PCDH15: variants seen among roughly 807,000 people sequenced by gnomAD.
PCDH15 encodes the protein protocadherin related 15.
Under a neutral mutation model 178.5 loss-of-function variants are expected in PCDH15, and 129 were observed. The ratio of observed to expected loss-of-function variants is 0.72; its 90% CI spans 0.63 to 0.84. The LOEUF (loss-of-function observed/expected upper bound fraction) is 0.84, where lower values mean the gene tolerates loss of function less well. Among genes scored for constraint, PCDH15 ranks in the 40% least tolerant of loss-of-function variants. PCDH15 has a pLI of 0.00. For missense variants in PCDH15, 2,230 were observed against 2,099.9 expected (o/e 1.06, Z -1.21); for synonymous variants, 800 against 732.0 (o/e 1.09, Z -1.50).
intron 2 of PCDH15, among the ~76,000 whole-genome samples, chr10:55,566,910 T>C (rs1367117773): frequency 6.6e-6 from 1 of 151,884 alleles, no homozygotes; most frequent in African/African-American, 2.4e-5. Context: ...CAATGATGCC[T>C]TAAAGCAGAA....
At chr10:54,990,940 C>G (rs959079256) in intron 2 of PCDH15, among the ~76,000 whole-genome samples, 1 of 149,138 alleles carries the variant, frequency 6.7e-6, no homozygotes, top group African/African-American at 2.5e-5. Flanking sequence ...TATGGCAATT[C>G]AAATCTTCCC....
intron 27 of PCDH15, among the ~76,000 whole-genome samples, chr10:53,865,083 A>C (rs2133134782): frequency 6.6e-6 from 1 of 152,244 alleles, no homozygotes; most frequent in Admixed American, 6.5e-5. Context: ...CCTGGGTGAT[A>C]GAACCAGACC....
chr10:54,616,813 T>G (rs955547401), intron 2 of PCDH15, among the ~76,000 whole-genome samples: 2 of 152,084 alleles, frequency 1.3e-5, no homozygotes, highest in African/African-American at 4.8e-5. Context: ...TATATTTTAT[T>G]GCATTATATA....
chr10:55,288,573 G>T (rs2132265490), intron 1 of PCDH15, among the ~76,000 whole-genome samples: 1 of 151,974 alleles, frequency 6.6e-6, no homozygotes, highest in African/African-American at 2.4e-5. Flanking sequence ...TTCTCTGCCT[G>T]TATGAGTTTA....
chr10:53,928,985 T>TTC (rs2084810526), intron 25 of PCDH15, among the ~76,000 whole-genome samples: 1 of 152,126 alleles, frequency 6.6e-6, no homozygotes, highest in Non-Finnish European at 1.5e-5. Context: ...ATTTTATGCA[T>TTC]TCCTAGATTC....
intron 16 of PCDH15, among the ~76,000 whole-genome samples, chr10:54,085,870 A>G (rs1195445039): frequency 6.6e-6 from 1 of 152,222 alleles, no homozygotes; most frequent in Non-Finnish European, 1.5e-5. Flanking sequence ...TAATGGTATT[A>G]TAATGATGCG....
chr10:55,523,246 T>A (rs1024747357), intron 2 of PCDH15, among the ~76,000 whole-genome samples: 1 of 151,602 alleles, frequency 6.6e-6, no homozygotes, highest in Non-Finnish European at 1.5e-5. Flanking sequence ...AGGAGTTTAT[T>A]CACTAGTTTG....
chr10:54,363,930 T>C (rs1441312691), intron 5 of PCDH15, among the ~76,000 whole-genome samples: 1 of 152,166 alleles, frequency 6.6e-6, no homozygotes, highest in African/African-American at 2.4e-5. Flanking sequence ...TAAAAAATAT[T>C]GGACGGTCAC....
chr10:54,084,874 C>T lies in PCDH15; in HGVS notation c.1997+5110G>A, dbSNP rs182496847. On this transcript the variant is annotated intron_variant, in intron 16 of 37. Coordinates refer to ENST00000644397, the MANE Select transcript of PCDH15 (RefSeq NM_001384140.1). ...AGCCTTTGACAGATTTATCACATTG[C>T]TTTTGGGCACTGAGTTTCAGGCTTT... Among the ~76,000 whole-genome samples the T allele has an allele frequency of 2.8e-4, 42 of 152,220 alleles. No homozygotes were observed. The East Asian group carries it at 7.7e-3, about 28-fold the overall frequency.
intron 5 of PCDH15, 98 bp downstream of exon 5, chr10:54,369,022 G>A: frequency 1.5e-6 from 2 of 1,338,498 alleles, no homozygotes; most frequent in African/African-American, 2.9e-5. Flanking sequence ...AAACAGTTAA[G>A]CTCATAATTT....
chr10:54,462,300 A>T (rs903621338), intron 3 of PCDH15, among the ~76,000 whole-genome samples: 1 of 139,396 alleles, frequency 7.2e-6, no homozygotes, highest in African/African-American at 2.9e-5. Flanking sequence ...ACACACACAC[A>T]TATATATATA....
chr10:55,397,028 G>T (rs538825829), intron 2 of PCDH15, among the ~76,000 whole-genome samples: 1 of 152,242 alleles, frequency 6.6e-6, no homozygotes, highest in Admixed American at 6.5e-5. Flanking sequence ...ACAAAGTTCA[G>T]CTCACTTAAG....
intron 2 of PCDH15, among the ~76,000 whole-genome samples, chr10:54,530,232 T>G (rs142415745): frequency 5.8e-4 from 89 of 152,238 alleles, no homozygotes; most frequent in African/African-American, 2.0e-3. Flanking sequence ...CAAACCAAAT[T>G]TATGTTTTTT....
At chr10:54,812,294 A>G (rs1952875384) in intron 3 of PCDH15, among the ~76,000 whole-genome samples, 1 of 137,388 alleles carries the variant, frequency 7.3e-6, no homozygotes, top group Non-Finnish European at 1.5e-5. Context: ...TTTTTTTGAG[A>G]CAGTCTCGCT....
chr10:55,333,939 C>T (rs1003970973), intron 2 of PCDH15, among the ~76,000 whole-genome samples: 7 of 151,760 alleles, frequency 4.6e-5, no homozygotes, highest in Non-Finnish European at 1.0e-4. Flanking sequence ...AGCATCCATG[C>T]AAACTGGAAA....
intron 1 of PCDH15, among the ~76,000 whole-genome samples, chr10:55,237,688 G>T (rs1841420402): frequency 6.6e-6 from 1 of 152,012 alleles, no homozygotes; most frequent in Non-Finnish European, 1.5e-5. Flanking sequence ...ACTTTTAAGG[G>T]CAACCTGATT....
In PCDH15 at chr10:54,458,210, A is replaced by G. The variant is rs566276005; in HGVS notation, c.157+69602T>C. Reference sequence around the variant, plus strand: ...TAGAGTCTCTATTTGTTTCTCACCAATCAATGTTGGGCATGAAGCCAGGCC... The same window carrying G: ...TAGAGTCTCTATTTGTTTCTCACCAGTCAATGTTGGGCATGAAGCCAGGCC... On this transcript the variant is annotated intron_variant, in intron 3 of 37. Transcript: ENST00000644397. Among the ~76,000 whole-genome samples, 8 of 152,216 alleles carry G rather than the reference A, an allele frequency of 5.3e-5. No individual in the cohort carries two copies. In the South Asian group the frequency reaches 1.5e-3, roughly 28 times the overall value.
chr10:54,026,093 A>T (rs1271550266), intron 18 of PCDH15, among the ~76,000 whole-genome samples: 1 of 149,946 alleles, frequency 6.7e-6, no homozygotes, highest in Admixed American at 6.7e-5. Flanking sequence ...TTTTTGAAAC[A>T]GGTCTTGCTC....
In PCDH15 at chr10:55,459,990, A is replaced by T. The variant is rs1219888838; in HGVS notation, c.-156+167635T>A. Among the ~76,000 whole-genome samples, 4 of 152,102 alleles carry T rather than the reference A, an allele frequency of 2.6e-5. No individual in the cohort carries two copies. In the East Asian group the frequency reaches 7.7e-4, roughly 29 times the overall value. On this transcript the variant is annotated intron_variant, in intron 2 of 5. Coordinates refer to the PCDH15 transcript ENST00000613346. ...TAACTGCAATCATAAAAATGGATGA[A>T]GTAGTCCAGATGGAGCATGGACCGT... is the stretch of plus-strand genomic sequence containing the variant.
Sources: allele counts gnomAD v4.1 joint callset (sites outside exome capture counted in the v4.1 genomes callset), GRCh38; gene constraint gnomAD v4.1.1; transcripts MANE v1.5; gene names NCBI Gene and HGNC (gene_info 2026-07-23, HGNC 2026-07-21).